The following COL25A1 variants were observed in gnomAD, a reference collection of about 807,000 sequenced individuals.
COL25A1 encodes the protein collagen alpha-1(XXV) chain.
COL25A1 carries 103 observed loss-of-function variants against 128.4 expected under a neutral mutation model. That is an observed-to-expected ratio of 0.80 (90% CI 0.68 to 0.94). The LOEUF is 0.94. Ranked by LOEUF, COL25A1 falls within the 40% of genes least tolerant of loss-of-function variation. COL25A1 has a pLI of 0.00. For missense variants in COL25A1, 745 were observed against 840.0 expected, an observed-to-expected ratio of 0.89 and a Z score of 1.40; for synonymous variants, 279 against 277.2, an observed-to-expected ratio of 1.01 and a Z score of -0.06.
intron 5 of COL25A1, among the ~76,000 whole-genome samples, chr4:109,018,539 G>A (rs1347903687): frequency 6.6e-6 from 1 of 152,126 alleles, no homozygotes; most frequent in Non-Finnish European, 1.5e-5. Flanking sequence ...CTCTCAATGG[G>A]AACCTTAGCC....
chr4:109,022,007 C>T (rs1757813523), intron 5 of COL25A1, among the ~76,000 whole-genome samples: 1 of 152,232 alleles, frequency 6.6e-6, no homozygotes, highest in Non-Finnish European at 1.5e-5. Context: ...TCTGATTTTG[C>T]CCTGGTCCTG....
At chr4:109,247,397 G>A (rs913934997) in intron 3 of COL25A1, among the ~76,000 whole-genome samples, 7 of 152,116 alleles carry the variant, frequency 4.6e-5, no homozygotes, top group African/African-American at 1.4e-4. Context: ...TGAGCCCATC[G>A]TGGAAGGCTT....
At chr4:109,277,907 AGGTG>A (rs1722996058) in intron 3 of COL25A1, among the ~76,000 whole-genome samples, 1 of 152,114 alleles carries the variant, frequency 6.6e-6, no homozygotes, top group Admixed American at 6.6e-5. Context: ...AGGCCGAGGC[AGGTG>A]GATCACCAGG....
intron 19 of COL25A1, among the ~76,000 whole-genome samples, chr4:108,870,558 G>A (rs1347531794): frequency 1.3e-5 from 2 of 152,022 alleles, no homozygotes; most frequent in African/African-American, 4.8e-5. Context: ...TATTAGAAAG[G>A]AGAATCTGAA....
intron 19 of COL25A1, among the ~76,000 whole-genome samples, chr4:108,876,207 TAA>T (rs1216921122): frequency 1.8e-5 from 2 of 110,332 alleles, no homozygotes; most frequent in African/African-American, 3.4e-5. Flanking sequence ...ACTTAAAGTA[TAA>T]AAAAAAAAAA....
chr4:109,284,493 C>A (rs1403722021), intron 3 of COL25A1, among the ~76,000 whole-genome samples: 1 of 152,126 alleles, frequency 6.6e-6, no homozygotes, highest in African/African-American at 2.4e-5. Context: ...CACTGCAATG[C>A]ACGGAAGACA....
intron 3 of COL25A1, among the ~76,000 whole-genome samples, chr4:109,205,311 T>G (rs964250133): frequency 4.6e-5 from 7 of 152,186 alleles, no homozygotes; most frequent in African/African-American, 1.7e-4. Flanking sequence ...TCTTGCTTGC[T>G]TCAGTAATCA....
At chr4:109,119,476 T>C (rs1470618967) in intron 3 of COL25A1, among the ~76,000 whole-genome samples, 1 of 151,966 alleles carries the variant, frequency 6.6e-6, no homozygotes, top group East Asian at 1.9e-4. Flanking sequence ...TGATAAAGGA[T>C]ATGAGAGTAG....
chr4:109,159,601 G>T (rs1039059552), intron 3 of COL25A1, among the ~76,000 whole-genome samples: 3 of 152,074 alleles, frequency 2.0e-5, no homozygotes, highest in Admixed American at 6.6e-5. Context: ...ACGAAGCATG[G>T]TTCACAATAC....
chr4:109,157,800 G>A (rs1275022446), intron 3 of COL25A1, among the ~76,000 whole-genome samples: 1 of 152,154 alleles, frequency 6.6e-6, no homozygotes, highest in Non-Finnish European at 1.5e-5. Context: ...TATGCCCAGG[G>A]GAGCAGTCGC....
intron 16 of COL25A1, among the ~76,000 whole-genome samples, chr4:108,896,458 G>T (rs1429261126): frequency 6.6e-6 from 1 of 151,958 alleles, no homozygotes; most frequent in Non-Finnish European, 1.5e-5. Context: ...ATTTTACTTT[G>T]AAAATATTTT....
intron 12 of COL25A1, among the ~76,000 whole-genome samples, chr4:108,919,619 G>A (rs933738930): frequency 1.7e-4 from 26 of 151,910 alleles, no homozygotes; most frequent in African/African-American, 3.9e-4. Context: ...TCCCCCTCCC[G>A]GCTTGAGGGG....
chr4:109,095,268 C>T (rs557345502), intron 3 of COL25A1, among the ~76,000 whole-genome samples: 54 of 152,288 alleles, frequency 3.5e-4, no homozygotes, highest in Non-Finnish European at 6.8e-4. Flanking sequence ...ACAATTCATT[C>T]CACTTTGTCT....
chr4:108,842,292 T>A (rs982276213), intron 30 of COL25A1, among the ~76,000 whole-genome samples: 1 of 152,212 alleles, frequency 6.6e-6, no homozygotes. Context: ...AGCTAAGCAT[T>A]ATTATTTAGA....
At chr4:109,030,657 G>A (rs1337356556) in intron 5 of COL25A1, among the ~76,000 whole-genome samples, 1 of 152,220 alleles carries the variant, frequency 6.6e-6, no homozygotes, top group East Asian at 1.9e-4. Context: ...GGCCTGTGCA[G>A]TCATTCCTCA....
chr4:108,990,318 G>T (rs1337833855), intron 6 of COL25A1, among the ~76,000 whole-genome samples: 3 of 126,490 alleles, frequency 2.4e-5, no homozygotes, highest in African/African-American at 9.3e-5. Flanking sequence ...TATATCTACA[G>T]AAATAATATA....
intron 3 of COL25A1, among the ~76,000 whole-genome samples, chr4:109,117,080 A>C (rs567769221): frequency 2.6e-5 from 4 of 151,958 alleles, no homozygotes; most frequent in South Asian, 2.1e-4. Flanking sequence ...AGAAAAAAAA[A>C]CAGAAGTAAT....
chr4:108,943,178 T>C (rs1748342880), intron 8 of COL25A1, among the ~76,000 whole-genome samples: 1 of 152,226 alleles, frequency 6.6e-6, no homozygotes, highest in South Asian at 2.1e-4. Flanking sequence ...GAAGCATTTC[T>C]GGAATCTTAC....
At chr4:108,894,549 A>G (rs1741913932) in intron 16 of COL25A1, among the ~76,000 whole-genome samples, 1 of 152,228 alleles carries the variant, frequency 6.6e-6, no homozygotes, top group African/African-American at 2.4e-5. Context: ...TTCAGTGTCC[A>G]GAAATAAAGT....
Sources: allele counts gnomAD v4.1 joint callset (sites outside exome capture counted in the v4.1 genomes callset), GRCh38; gene constraint gnomAD v4.1.1; transcripts MANE v1.5; gene names NCBI Gene and HGNC (gene_info 2026-07-23, HGNC 2026-07-21).